Variants in BBOF1 observed in about 807,000 individuals in gnomAD.
BBOF1 encodes basal body orientation factor 1.
A neutral mutation model predicts 68.0 loss-of-function variants in BBOF1; 62 were observed. The observed-to-expected ratio is 0.91, with a 90% CI of 0.74 to 1.13. The LOEUF is 1.13. BBOF1 is among the 50% of genes most tolerant of loss of function. BBOF1 has a pLI of 0.00. For missense variants in BBOF1, 534 were observed against 600.1 expected (o/e 0.89, Z 1.15); for synonymous variants, 208 against 198.8 (o/e 1.05, Z -0.39).
In BBOF1 at chr14:74,034,122, T is replaced by C. The variant is rs1711803448; in HGVS notation, c.446T>C (p.Val149Ala). The C allele has an allele frequency of 1.3e-6, 2 of 1,598,396 alleles. No homozygotes were observed. Among genetic ancestry groups the C allele is most frequent in the East Asian group, 2.3e-5 (1 of 43,636 alleles). Residue 149 changes from valine to alanine, a missense_variant, in exon 4 of 12, where the codon GTA (valine) becomes GCA (alanine). By Grantham distance (64) the Val-to-Ala change is moderately conservative. Coordinates refer to ENST00000394009, the MANE Select transcript of BBOF1 (RefSeq NM_025057.3). ...IGMIHTELKA[V>A]RQFQKRKIQV... Reference sequence around the variant, plus strand: ...ATGATTCACACAGAGCTGAAAGCAGTAAGACAATTCCAGAAGAGAAAAATC... The same window carrying C: ...ATGATTCACACAGAGCTGAAAGCAGCAAGACAATTCCAGAAGAGAAAAATC...
At chr14:74,066,271 T>C (rs964266511), downstream of BBOF1, among the ~76,000 whole-genome samples, 1 of 152,188 alleles carries the variant, frequency 6.6e-6, no homozygotes, top group African/African-American at 2.4e-5. Flanking sequence ...CTGCCTGTTT[T>C]TGTACAGCCC....
chr14:74,062,051 GAAAAAAAAAA>G (rs369414700), intron 11 of BBOF1, among the ~76,000 whole-genome samples: 16 of 59,616 alleles, frequency 2.7e-4, no homozygotes, highest in Admixed American at 9.8e-4. Flanking sequence ...TCTCTACTGG[GAAAAAAAAAA>G]AAAAAAAAAA....
At chr14:74,056,544 C>T (rs1232388460) in intron 9 of BBOF1, among the ~76,000 whole-genome samples, 1 of 151,990 alleles carries the variant, frequency 6.6e-6, no homozygotes, top group Non-Finnish European at 1.5e-5. Context: ...CCATGTTGGC[C>T]AGGCTGGTCA....
At chr14:74,053,443 T>A (rs541242336) in intron 8 of BBOF1, among the ~76,000 whole-genome samples, 1 of 151,004 alleles carries the variant, frequency 6.6e-6, no homozygotes, top group African/African-American at 2.4e-5. Context: ...GGTCTCACTC[T>A]ATTGCCCAGG....
At chr14:74,069,108 T>C (rs995023989), downstream of BBOF1, 144 of 1,089,508 alleles carry the variant, frequency 1.3e-4, no homozygotes, top group East Asian at 1.0e-3. Context: ...TTTCTTTTTT[T>C]TTTTTTTTTT....
At chr14:74,071,993 A>T in intron 9 of BBOF1, 1 of 1,609,166 alleles carries the variant, frequency 6.2e-7, no homozygotes, top group Non-Finnish European at 8.5e-7. Flanking sequence ...AAGACACACA[A>T]ATAGAAATTA....
At chr14:74,066,852 G>A (rs2060474812), downstream of BBOF1, 1 of 1,613,912 alleles carries the variant, frequency 6.2e-7, no homozygotes, top group Admixed American at 1.7e-5. Flanking sequence ...CCTGGGGAGT[G>A]ATCAGAGGGC....
At chr14:74,056,123 C>G (rs943302519) in intron 9 of BBOF1, among the ~76,000 whole-genome samples, 1 of 151,814 alleles carries the variant, frequency 6.6e-6, no homozygotes, top group African/African-American at 2.4e-5. Flanking sequence ...CCTCCACTTC[C>G]CAGGTGCAAG....
At chr14:74,047,556 C>T (rs1595068397) in intron 6 of BBOF1, among the ~76,000 whole-genome samples, 1 of 152,104 alleles carries the variant, frequency 6.6e-6, no homozygotes, top group East Asian at 1.9e-4. Flanking sequence ...TCCTCAGCTT[C>T]CTGAGTAGCT....
chr14:74,034,671 T>C (rs2059654534), intron 4 of BBOF1, among the ~76,000 whole-genome samples: 1 of 152,214 alleles, frequency 6.6e-6, no homozygotes, highest in Non-Finnish European at 1.5e-5. Flanking sequence ...ATTACATTAC[T>C]GATAATTCAA....
At chr14:74,037,800 A>G (rs8007029) in intron 4 of BBOF1, among the ~76,000 whole-genome samples, 36,525 of 151,684 alleles carry the variant, frequency 0.24, 4,979 homozygotes, top group South Asian at 0.46. Context: ...CTAAAAATAC[A>G]AAATTACCTG....
intron 11 of BBOF1, chr14:74,059,224 A>T (rs2060286101): frequency 3.3e-6 from 1 of 304,046 alleles, no homozygotes; most frequent in Non-Finnish European, 6.6e-6. Flanking sequence ...CTACATGAAG[A>T]GTTCTTCATT....
At chr14:74,040,364 A>G (rs1266131466) in intron 4 of BBOF1, among the ~76,000 whole-genome samples, 1 of 152,228 alleles carries the variant, frequency 6.6e-6, no homozygotes, top group African/African-American at 2.4e-5. Context: ...AAGGAGGACT[A>G]CTGTACTAAT....
intron 9 of BBOF1, among the ~76,000 whole-genome samples, chr14:74,075,671 A>G (rs1232322382): frequency 6.6e-6 from 1 of 152,108 alleles, no homozygotes; most frequent in African/African-American, 2.4e-5. Flanking sequence ...AAAAAAATCA[A>G]TGTAAATATA....
chr14:74,050,589 C>T (rs941190226), intron 8 of BBOF1, among the ~76,000 whole-genome samples: 2 of 152,054 alleles, frequency 1.3e-5, no homozygotes, highest in Non-Finnish European at 2.9e-5. Flanking sequence ...AAGGCAGGGT[C>T]TCACTACGTT....
At chr14:74,070,453 C>T (rs1040438024), downstream of BBOF1, among the ~76,000 whole-genome samples, 2 of 151,914 alleles carry the variant, frequency 1.3e-5, no homozygotes, top group Non-Finnish European at 2.9e-5. Context: ...TGGGAGGCAG[C>T]GGGTAGAGTG....
chr14:74,036,682 T>TAAA (rs1595042820), intron 4 of BBOF1, among the ~76,000 whole-genome samples: 1 of 17,030 alleles, frequency 5.9e-5, no homozygotes, highest in African/African-American at 2.0e-4. Flanking sequence ...AGACTCTGTC[T>TAAA]CAAAAAAAAA....
chr14:74,023,808 C>T (rs1030619851), intron 2 of BBOF1, among the ~76,000 whole-genome samples: 7 of 151,146 alleles, frequency 4.6e-5, no homozygotes, highest in African/African-American at 9.7e-5. Flanking sequence ...CCCAGCTACT[C>T]GGGAGGCTGA....
chr14:74,067,410 C>G, downstream of BBOF1: 4 of 1,613,794 alleles, frequency 2.5e-6, no homozygotes, highest in Non-Finnish European at 3.4e-6. Flanking sequence ...TTGGCATGCT[C>G]CACCAGCTCT....
Sources: gnomAD v4.1 joint callset for allele counts (sites outside exome capture counted in the v4.1 genomes callset) on GRCh38, gnomAD v4.1.1 for gene constraint, MANE v1.5 for transcripts, NCBI Gene and HGNC (gene_info 2026-07-23, HGNC 2026-07-21) for gene names.